The following DNAH2 variants were observed in gnomAD, a reference collection of about 807,000 sequenced individuals.
DNAH2 encodes the protein axonemal beta dynein heavy chain 2.
Under a neutral mutation model 523.5 loss-of-function variants are expected in DNAH2, and 323 were observed. That is an observed-to-expected ratio of 0.62 (90% CI 0.56 to 0.68). The LOEUF (loss-of-function observed/expected upper bound fraction) is 0.68. Among genes scored for constraint, DNAH2 ranks in the 30% least tolerant of loss-of-function variants. The pLI is 0.00. For missense variants in DNAH2, 4,907 were observed against 5,701.5 expected (o/e 0.86, Z 4.49); for synonymous variants, 2,093 against 2,177.4 (o/e 0.96, Z 1.08).
intron 56 of DNAH2, among the ~76,000 whole-genome samples, chr17:7,800,089 T>C (rs1275636646): frequency 1.3e-5 from 2 of 152,202 alleles, no homozygotes; most frequent in Non-Finnish European, 2.9e-5. Flanking sequence ...TCTCGCTGTG[T>C]TGCCCAGGCT....
At chr17:7,762,422 G>A (rs1448471210) in intron 18 of DNAH2, among the ~76,000 whole-genome samples, 6 of 141,752 alleles carry the variant, frequency 4.2e-5, no homozygotes, top group Admixed American at 7.7e-5. Flanking sequence ...CGCAAGCTCC[G>A]CCTCCCGGAT....
chr17:7,792,449 G>T, intron 46 of DNAH2, 106 bp downstream of exon 46: 1 of 1,249,656 alleles, frequency 8.0e-7, no homozygotes, highest in South Asian at 1.2e-5. Flanking sequence ...GGAAGGAGAA[G>T]GTGGGTCCCA....
At chr17:7,790,582 A>T (rs1184413378) in intron 44 of DNAH2, among the ~76,000 whole-genome samples, 1 of 152,146 alleles carries the variant, frequency 6.6e-6, no homozygotes, top group African/African-American at 2.4e-5. Context: ...CCCTTTCTGA[A>T]AATAATAATT....
Position 7,775,266 on chromosome 17 carries a change from A to T in DNAH2, c.4745A>T (p.Glu1582Val). 1 of 1,613,164 alleles carries T rather than the reference A, an allele frequency of 6.2e-7. No individual in the cohort carries two copies. The part of the protein sequence containing the change: ...QKVGGPSSKW[E>V]AVGMFSGDGE... ...GTTGGAGGGCCCAGCAGCAAATGGG[A>T]AGCTGTGGGGATGTTCTCGGGCGAC... is the stretch of plus-strand genomic sequence containing the variant. Residue 1582 changes from glutamate to valine, a missense_variant, in exon 30 of 86, where the codon GAA becomes GTA. This residue lies in a region of DNAH2 where 2,806 missense variants were observed against 3,190.8 expected (regional missense o/e 0.88). Coordinates refer to ENST00000572933, the MANE Select transcript of DNAH2 (RefSeq NM_020877.5).
intron 11 of DNAH2, among the ~76,000 whole-genome samples, chr17:7,741,656 C>T (rs565275671): frequency 2.0e-5 from 3 of 151,218 alleles, no homozygotes; most frequent in South Asian, 4.2e-4. Flanking sequence ...CCGCGCCCGG[C>T]TTCTTTTTCT....
rs376779266 is a variant in DNAH2, at chr17:7,798,212, T to C, written c.8286T>C (p.Gly2762=). 6.2e-6 allele frequency: 10 copies of C among 1,613,102 alleles called. No individual in the cohort carries two copies. Among genetic ancestry groups the C allele is most frequent in the Non-Finnish European group, 7.6e-6 (9 of 1,179,438 alleles). The change falls in exon 54 of 86, where the codon GGT becomes GGC. Residue 2762 remains glycine, a synonymous_variant. Transcript: ENST00000572933. This position sits in a 1 kb window ranked among gnomAD's most constrained non-coding sequence, Gnocchi z 5.5. ...CTCGGGGCAACATGCTCCTGGTGGG[T>C]ATCGGGGGCAGCGGACGCCAGAGTC... is the stretch of plus-strand genomic sequence containing the variant. ...GQPRGNMLLV[G]IGGSGRQSLA... is the part of the protein sequence containing the mutation.
Position 7,831,727 on chromosome 17 carries a change from G to C in DNAH2, c.12678G>C (p.Glu4226Asp), listed in dbSNP as rs1178365231. Reference sequence around the variant, plus strand: ...TCGTCATGTCTACAAGCCTGGAAGAGATTTTCAATTGCATCTTTGATGCCC... The same window carrying C: ...TCGTCATGTCTACAAGCCTGGAAGACATTTTCAATTGCATCTTTGATGCCC... ...GLIVMSTSLE[E>D]IFNCIFDAHV... The change falls in exon 82 of 86, where the codon GAG (glutamate) becomes GAC (aspartate). Residue 4226 changes from glutamate (E) to aspartate (D), a missense_variant. Around this residue, in one of 3 missense-constraint regions of DNAH2, gnomAD observed 1,851 missense variants for 2,139.4 expected, o/e 0.87. Coordinates refer to ENST00000572933, the MANE Select transcript of DNAH2 (RefSeq NM_020877.5). The surrounding 1 kb of genome is among the most constrained non-coding windows in gnomAD (Gnocchi z 4.2). The C allele has an allele frequency of 6.8e-6, 11 of 1,614,158 alleles. 1 individual carries two copies. The South Asian group carries it at 1.2e-4, about 18-fold the overall frequency.
At chr17:7,802,149 G>A in intron 58 of DNAH2, 132 bp downstream of exon 58, 1 of 1,272,092 alleles carries the variant, frequency 7.9e-7, no homozygotes, top group Non-Finnish European at 1.1e-6. Flanking sequence ...TGGGAAGAGG[G>A]AGTTGGGGCT....
Position 7,776,959 on chromosome 17 carries a change from C to T in DNAH2, c.5058+70C>T, listed in dbSNP as rs192547634. The T allele has an allele frequency of 2.4e-4, 321 of 1,314,336 alleles. 2 individuals carry two copies. The highest frequency in any genetic ancestry group is 1.3e-3 in the South Asian group (104 of 81,234). 81.4% of individuals were successfully genotyped at this position (1,314,336 alleles called of 1,614,324 possible). A position where few individuals can be genotyped will look rare whatever the true frequency, so the allele number is the denominator to read the frequency against. On this transcript the variant is annotated intron_variant, in intron 32 of 85. Transcript: ENST00000572933. ...TTGGGAGGCAGAGGTGGTAGGAGCC[C>T]ACTCGCTTGAGCCCAGGAGTTCGAG...
intron 65 of DNAH2, 55 bp downstream of exon 65, chr17:7,817,470 G>A: frequency 1.9e-6 from 3 of 1,613,200 alleles, no homozygotes; most frequent in Non-Finnish European, 2.5e-6. Flanking sequence ...CTGGGGGCAG[G>A]ACCTTTGGGA....
At chr17:7,765,848 G>A (rs2076152117) in intron 21 of DNAH2, among the ~76,000 whole-genome samples, 1 of 151,818 alleles carries the variant, frequency 6.6e-6, no homozygotes, top group Non-Finnish European at 1.5e-5. Flanking sequence ...CTCGATCTCA[G>A]CTCACTGCAA....
intron 5 of DNAH2, among the ~76,000 whole-genome samples, chr17:7,733,667 T>A (rs2075058123): frequency 6.6e-6 from 1 of 151,840 alleles, no homozygotes; most frequent in Admixed American, 6.6e-5. Flanking sequence ...TTAGTAGAGA[T>A]GGGGTTTCAC....
intron 8 of DNAH2, chr17:7,738,995 G>A (rs1567619144): frequency 1.0e-5 from 7 of 702,784 alleles, no homozygotes; most frequent in Non-Finnish European, 1.6e-5. Flanking sequence ...TTTGTGCAGC[G>A]CTGCAAGGAC....
chr17:7,798,218 G>C lies in DNAH2; in HGVS notation c.8292G>C (p.Gly2764=), dbSNP rs1439318303. ...GCAACATGCTCCTGGTGGGTATCGG[G>C]GGCAGCGGACGCCAGAGTCTGGCCC... is the stretch of plus-strand genomic sequence containing the variant. ...PRGNMLLVGI[G]GSGRQSLARL... The change falls in exon 54 of 86, where the codon GGG becomes GGC. Residue 2764 remains glycine, a synonymous_variant. Transcript: ENST00000572933. The surrounding 1 kb of genome is among the most constrained non-coding windows in gnomAD (Gnocchi z 5.5). 5 of 1,613,628 alleles carry C rather than the reference G, an allele frequency of 3.1e-6. No individual in the cohort carries two copies. Among genetic ancestry groups the C allele is most frequent in the Non-Finnish European group, 4.2e-6 (5 of 1,179,622 alleles).
chr17:7,822,482 T>G (rs2077885011), intron 73 of DNAH2, among the ~76,000 whole-genome samples: 1 of 152,142 alleles, frequency 6.6e-6, no homozygotes, highest in Admixed American at 6.5e-5. Context: ...TCTCACCTCC[T>G]TCAGACCTCA....
chr17:7,822,418 C>T (rs932888701), intron 73 of DNAH2, among the ~76,000 whole-genome samples: 4 of 152,174 alleles, frequency 2.6e-5, no homozygotes, highest in South Asian at 2.1e-4. Context: ...AGGGCCTTTG[C>T]GTGGCCATGC....
At chr17:7,794,849 G>T (rs1198412080) in intron 49 of DNAH2, among the ~76,000 whole-genome samples, 1 of 151,438 alleles carries the variant, frequency 6.6e-6, no homozygotes, top group Non-Finnish European at 1.5e-5. Flanking sequence ...CCACTTCCCG[G>T]GTTCAAGTGA....
intron 24 of DNAH2, among the ~76,000 whole-genome samples, chr17:7,770,031 G>A (rs2076272709): frequency 3.3e-5 from 5 of 152,204 alleles, no homozygotes; most frequent in South Asian, 2.1e-4. Flanking sequence ...TGTTTTGTGG[G>A]CACACCTGCC....
At chr17:7,794,796 C>T (rs1450408696) in intron 49 of DNAH2, among the ~76,000 whole-genome samples, 2 of 150,142 alleles carry the variant, frequency 1.3e-5, no homozygotes, top group Non-Finnish European at 3.0e-5. Context: ...ACTCTGTTGC[C>T]CAGGCTGGAA....
Sources: allele counts gnomAD v4.1 joint callset (sites outside exome capture counted in the v4.1 genomes callset), GRCh38; gene constraint gnomAD v4.1.1; regional missense constraint gnomAD v4.1.1; non-coding constraint Gnocchi (gnomAD v3.1); transcripts MANE v1.5; gene names NCBI Gene and HGNC (gene_info 2026-07-23, HGNC 2026-07-21).